ETS1: variants seen among roughly 807,000 people sequenced by gnomAD.
ETS1 encodes ETS proto-oncogene 1, transcription factor, also known as protein C-ets-1.
A neutral mutation model predicts 58.6 loss-of-function variants in ETS1; 15 were observed. The observed-to-expected ratio is 0.26, with a 90% CI of 0.17 to 0.39. ETS1 has a LOEUF of 0.39. ETS1 is among the 10% of genes least tolerant of loss of function. The pLI is 1.00. For missense variants in ETS1, 417 were observed against 610.5 expected (o/e 0.68, Z 3.34); for synonymous variants, 214 against 218.2 (o/e 0.98, Z 0.17).
intron 3 of ETS1, among the ~76,000 whole-genome samples, chr11:128,492,941 G>C (rs11221329): frequency 0.21 from 32,601 of 152,146 alleles, 4,021 homozygotes; most frequent in Admixed American, 0.33. Flanking sequence ...TTCCAAATTT[G>C]AAGCAACTTT....
rs542133839 is a variant in ETS1 at position 128,549,378 on chromosome 11, C to T, written c.214+6913G>A. Among the ~76,000 whole-genome samples, 1 of 152,206 alleles carries T rather than the reference C, an allele frequency of 6.6e-6. No homozygotes were observed. The highest frequency in any genetic ancestry group is 2.1e-4 in the South Asian group (1 of 4,824). On this transcript the variant is annotated intron_variant, in intron 3 of 9. Coordinates refer to ENST00000392668, the MANE Select transcript of ETS1 (RefSeq NM_001143820.2). This position sits in a 1 kb window ranked among gnomAD's most constrained non-coding sequence, Gnocchi z 4.3. ...GCGGCCGGAGCCGAGCGGGGCCTGA[C>T]GCCAGCCGGCGGCGTCCACCGTCCC...
rs984261145 is a variant in ETS1, at chr11:128,459,630, G to C, written c.*2731C>G. On this transcript the variant is annotated 3_prime_UTR_variant, in exon 10 of 10. Transcript: ENST00000392668. ...TGAAGTTAACGTGTGTTTTTAAAAA[G>C]CATAAACGCAACATTTCCAGTGTAT... 1.3e-5 allele frequency: 2 copies of C among 152,794 alleles called. No individual in the cohort carries two copies. Among genetic ancestry groups the C allele is most frequent in the African/African-American group, 2.4e-5 (1 of 41,452 alleles). 9.5% of individuals were successfully genotyped at this position (152,794 alleles called of 1,614,324 possible).
At chr11:128,551,784 A>C (rs1178067675) in intron 3 of ETS1, among the ~76,000 whole-genome samples, 1 of 152,150 alleles carries the variant, frequency 6.6e-6, no homozygotes, top group Non-Finnish European at 1.5e-5. Flanking sequence ...ACTTTGGGTC[A>C]ATGAGTCATA....
At chr11:128,494,983 G>A (rs1339103347) in intron 3 of ETS1, among the ~76,000 whole-genome samples, 1 of 152,196 alleles carries the variant, frequency 6.6e-6, no homozygotes, top group Non-Finnish European at 1.5e-5. Flanking sequence ...ATAGCAGCAT[G>A]AAAGAAATAC....
chr11:128,477,093 T>C (rs183897098), intron 8 of ETS1, among the ~76,000 whole-genome samples: 2 of 152,366 alleles, frequency 1.3e-5, no homozygotes, highest in Admixed American at 6.5e-5. Context: ...GTAAAATGTA[T>C]TCCTTTGGAC....
rs1862901566 is a variant in ETS1 at position 128,495,034 on chromosome 11, C to G, written c.215-4458G>C. On this transcript the variant is annotated intron_variant, in intron 3 of 9. Transcript: ENST00000392668. Reference sequence around the variant, plus strand: ...TGCCTTATACCTGAGAAATGCTTTACAGTTTGCCAAGACTCTTCACATACA... The same window carrying G: ...TGCCTTATACCTGAGAAATGCTTTAGAGTTTGCCAAGACTCTTCACATACA... Among the ~76,000 whole-genome samples the G allele has an allele frequency of 8.5e-5, 13 of 152,304 alleles. 1 individual carries two copies. The highest frequency in any genetic ancestry group is 5.9e-4 in the Admixed American group (9 of 15,294).
At chr11:128,585,075 AG>A (rs1312000110) in intron 1 of ETS1, among the ~76,000 whole-genome samples, 1,891 of 17,734 alleles carry the variant, frequency 0.11, 500 homozygotes, top group Non-Finnish European at 0.11. Context: ...AAAGAAAGAA[AG>A]AGAAAGAAAG....
intron 3 of ETS1, among the ~76,000 whole-genome samples, chr11:128,532,008 C>G (rs1863905405): frequency 6.6e-6 from 1 of 152,144 alleles, no homozygotes; most frequent in Non-Finnish European, 1.5e-5. Flanking sequence ...GCCAACAGTT[C>G]TTGTTGTTTT....
Position 128,459,402 on chromosome 11 carries a change from G to A in ETS1, c.*2959C>T, listed in dbSNP as rs1861847635. On this transcript the variant is annotated 3_prime_UTR_variant, in exon 10 of 10. Transcript: ENST00000392668. ...CCAGAGTGTTCATCTCCAAAGTGAG[G>A]AAAAGCACATCTGATCTTTGAATGC... 6.5e-6 allele frequency: 1 copy of A among 152,730 alleles called. No homozygotes were observed. The highest frequency in any genetic ancestry group is 1.5e-5 in the Non-Finnish European group (1 of 68,032). The allele number at this position is 152,730 out of a possible 1,614,324, so 9.5% of individuals were successfully genotyped here. A position where few individuals can be genotyped will look rare whatever the true frequency, so the allele number is the denominator to read the frequency against.
intron 3 of ETS1, among the ~76,000 whole-genome samples, chr11:128,520,876 G>A (rs1431093664): frequency 6.6e-6 from 1 of 152,208 alleles, no homozygotes; most frequent in East Asian, 1.9e-4. Context: ...GTTAACCACA[G>A]GGGGCAGCAA....
rs994530456 is a variant in ETS1 at position 128,463,207 on chromosome 11, C to T, written c.1242+302G>A. Among the ~76,000 whole-genome samples, 3 of 152,220 alleles carry T rather than the reference C, an allele frequency of 2.0e-5. No individual in the cohort carries two copies. The highest frequency in any genetic ancestry group is 2.1e-4 in the South Asian group (1 of 4,830). ...GCCCCTTTCACACTCACAGAGCCAC[C>T]GGGCTAGGAAGAGGCTAAGTCACAG... On this transcript the variant is annotated intron_variant, in intron 9 of 9. Coordinates refer to ENST00000392668, the MANE Select transcript of ETS1 (RefSeq NM_001143820.2). The surrounding 1 kb of genome is among the most constrained non-coding windows in gnomAD (Gnocchi z 4.1).
intron 3 of ETS1, among the ~76,000 whole-genome samples, chr11:128,512,691 C>G (rs542129035): frequency 6.6e-6 from 1 of 152,262 alleles, no homozygotes; most frequent in African/African-American, 2.4e-5. Context: ...ACCCAAAGCA[C>G]GCAGGCCTGG....
intron 2 of ETS1, among the ~76,000 whole-genome samples, chr11:128,559,817 G>A (rs1385576175): frequency 6.6e-6 from 1 of 152,194 alleles, no homozygotes; most frequent in Non-Finnish European, 1.5e-5. Flanking sequence ...AAAAAAAGCA[G>A]GTTATTAACA....
At chr11:128,556,144 A>T in intron 3 of ETS1, 147 bp downstream of exon 3, 1 of 610,710 alleles carries the variant, frequency 1.6e-6, no homozygotes, top group Non-Finnish European at 2.6e-6. Flanking sequence ...AAATTTATGG[A>T]GAAGGCCCGG....
chr11:128,557,261 G>T (rs542448283), intron 2 of ETS1, among the ~76,000 whole-genome samples: 159 of 152,220 alleles, frequency 1.0e-3, no homozygotes, highest in African/African-American at 3.3e-3. Flanking sequence ...CTAGCTACTC[G>T]GGAGGCTAAG....
At chr11:128,466,872 G>A (rs551140248) in intron 8 of ETS1, among the ~76,000 whole-genome samples, 9 of 152,018 alleles carry the variant, frequency 5.9e-5, no homozygotes, top group Admixed American at 1.3e-4. Context: ...AATCTCTCCC[G>A]TTGGCTTCAT....
At chr11:128,553,387 A>G (rs1402986745) in intron 3 of ETS1, among the ~76,000 whole-genome samples, 2 of 150,994 alleles carry the variant, frequency 1.3e-5, no homozygotes, top group South Asian at 2.1e-4. Context: ...CTTTCATGTT[A>G]TCTTCCCCTC....
At chr11:128,478,361 GA>G (rs1313608898) in intron 8 of ETS1, among the ~76,000 whole-genome samples, 9 of 21,336 alleles carry the variant, frequency 4.2e-4, no homozygotes, top group Non-Finnish European at 5.4e-4. Flanking sequence ...AGGAAGGAAG[GA>G]GGAAGGAAGG....
chr11:128,491,280 GC>G (rs1049314979), intron 3 of ETS1, among the ~76,000 whole-genome samples: 3 of 152,224 alleles, frequency 2.0e-5, no homozygotes, highest in Non-Finnish European at 4.4e-5. Context: ...ACAACAGTGA[GC>G]AACACAGAAA....
Sources: gnomAD v4.1 joint callset for allele counts (sites outside exome capture counted in the v4.1 genomes callset) on GRCh38, gnomAD v4.1.1 for gene constraint, Gnocchi (gnomAD v3.1) non-coding constraint, MANE v1.5 for transcripts, NCBI Gene and HGNC (gene_info 2026-07-23, HGNC 2026-07-21) for gene names.